CRYZ: variants seen among roughly 807,000 people sequenced by gnomAD.
CRYZ encodes the protein crystallin zeta, also known as zeta-crystallin.
In CRYZ, 35 loss-of-function variants were observed where a neutral mutation model predicts 34.1. The ratio of observed to expected loss-of-function variants is 1.03; its 90% CI spans 0.78 to 1.36. The LOEUF is 1.36. Ranked by LOEUF, CRYZ falls within the 40% of genes most tolerant of loss-of-function variation. The probability of loss-of-function intolerance (pLI) is 0.00; values close to 1 mark genes in which losing one functional copy is unlikely to be tolerated. For synonymous variants in CRYZ, 137 were observed against 136.5 expected, an observed-to-expected ratio of 1.00 and a Z score of -0.03; for missense variants, 403 against 391.8, an observed-to-expected ratio of 1.03 and a Z score of -0.24.
intron 4 of CRYZ, among the ~76,000 whole-genome samples, chr1:74,718,911 T>G (rs1047486929): frequency 2.0e-5 from 3 of 152,162 alleles, no homozygotes; most frequent in Admixed American, 6.6e-5. Context: ...TCTGAGTCTA[T>G]ATATCCCTAT....
At chr1:74,721,072 G>C (rs1026817281) in intron 3 of CRYZ, among the ~76,000 whole-genome samples, 1 of 152,084 alleles carries the variant, frequency 6.6e-6, no homozygotes, top group Non-Finnish European at 1.5e-5. Flanking sequence ...GAGTCATTAC[G>C]GGTGAAGGAA....
chr1:74,710,308 A>T, intron 5 of CRYZ, 61 bp from the exon 6 acceptor site: 2 of 1,476,886 alleles, frequency 1.4e-6, no homozygotes, highest in Non-Finnish European at 1.8e-6. Flanking sequence ...ACACTTAAAT[A>T]CATACAATGA....
At position 74,720,394 on chromosome 1, in the gene CRYZ, TA is replaced by T. The variant is rs1448643871; in HGVS notation, c.265-1023del. On this transcript the variant is annotated intron_variant, in intron 3 of 8. Coordinates refer to ENST00000340866, the MANE Select transcript of CRYZ (RefSeq NM_001889.4). ...ACAAATGTCTGCTGGACCTCACTAT[TA>T]AAAAGTAGATGCAGGACTCAGGGTG... is the stretch of plus-strand genomic sequence containing the variant. 3.9e-5 allele frequency among the ~76,000 whole-genome samples: 6 copies of T among 152,216 alleles called. No individual in the cohort carries two copies. The East Asian group carries it at 1.2e-3, about 29-fold the overall frequency.
At chr1:74,715,066 T>A (rs1419950817) in intron 4 of CRYZ, among the ~76,000 whole-genome samples, 3 of 152,152 alleles carry the variant, frequency 2.0e-5, no homozygotes, top group African/African-American at 7.2e-5. Context: ...GTAAACACAG[T>A]AGCTATTTTT....
intron 1 of CRYZ, chr1:74,730,501 C>T (rs1368068079): frequency 6.6e-6 from 1 of 152,132 alleles, no homozygotes; most frequent in African/African-American, 2.4e-5. Flanking sequence ...TCCTGTAATA[C>T]CGGATTTCTT....
At position 74,714,617 on chromosome 1, in the gene CRYZ, CT is replaced by C. The variant is rs1647046969; in HGVS notation, c.441del (p.Ala148LeufsTer16). On this transcript the variant is annotated frameshift_variant, in exon 5 of 9. Transcript: ENST00000340866. LOFTEE classifies it high-confidence loss of function. ...YRALIHSACV[K>X]AGESVLVHGA... is the part of the protein sequence containing the mutation. ...CCATGAACCAGAACACTCTCTCCAG[CT>C]TTCACACAGGCACTGCAAAGGAAAG... 1.9e-6 allele frequency: 3 copies of C among 1,613,732 alleles called. No individual in the cohort carries two copies. In the East Asian group the frequency reaches 6.7e-5, roughly 36 times the overall value.
intron 6 of CRYZ, 31 bp from the exon 7 acceptor site, chr1:74,707,235 A>T (rs1320110965): frequency 1.6e-6 from 2 of 1,239,284 alleles, no homozygotes; most frequent in East Asian, 4.7e-5. Flanking sequence ...GTAGAGTAAG[A>T]TAGCAAGTGA....
intron 4 of CRYZ, among the ~76,000 whole-genome samples, chr1:74,718,205 C>T (rs1352649548): frequency 6.6e-6 from 1 of 152,062 alleles, no homozygotes; most frequent in Non-Finnish European, 1.5e-5. Context: ...ATTTTACCCC[C>T]ACTAAATAGT....
intron 5 of CRYZ, 122 bp from the exon 6 acceptor site, chr1:74,710,369 A>C: frequency 1.2e-6 from 1 of 816,416 alleles, no homozygotes; most frequent in South Asian, 2.6e-5. Context: ...TTAAGAGTGT[A>C]AATGAAGAAA....
At chr1:74,720,782 G>C (rs72675394) in intron 3 of CRYZ, among the ~76,000 whole-genome samples, 2,591 of 152,080 alleles carry the variant, frequency 0.017, 36 homozygotes, top group South Asian at 0.036. Flanking sequence ...AACATTTACT[G>C]CGAATATACT....
Position 74,705,567 on chromosome 1 carries a change from GCTTA to G in CRYZ, c.*725_*728del, listed in dbSNP as rs1646917169. On this transcript the variant is annotated 3_prime_UTR_variant, in exon 9 of 9. Transcript: ENST00000340866. ...AATTCTTAATTTATCAAATTTGTGA[GCTTA>G]ATTAACAAAAATATTTGACCCTCAC... 6.6e-6 allele frequency: 1 copy of G among 152,010 alleles called. No homozygotes were observed. The highest frequency in any genetic ancestry group is 2.1e-4 in the South Asian group (1 of 4,826). 9.4% of individuals were successfully genotyped at this position (152,010 alleles called of 1,614,324 possible). A position where few individuals can be genotyped will look rare whatever the true frequency, so the allele number is the denominator to read the frequency against.
At chr1:74,727,644 CAAA>C (rs1169467605) in intron 1 of CRYZ, among the ~76,000 whole-genome samples, 4 of 48,692 alleles carry the variant, frequency 8.2e-5, no homozygotes, top group East Asian at 5.3e-4. Context: ...GACTCTGTCT[CAAA>C]AAAAAAAAAA....
chr1:74,713,100 A>G (rs1647026294), intron 5 of CRYZ, among the ~76,000 whole-genome samples: 1 of 152,146 alleles, frequency 6.6e-6, no homozygotes, highest in South Asian at 2.1e-4. Context: ...CTGATAGGAC[A>G]GGGAGGATCA....
In CRYZ at chr1:74,719,377, G is replaced by C. The variant is rs973305542; in HGVS notation, c.265-5C>G. On this transcript the variant is annotated splice_region_variant and splice_polypyrimidine_tract_variant and intron_variant, in intron 3 of 8. Transcript: ENST00000340866. The stretch of plus-strand genomic sequence containing the variant: ...AGTGAAAACTCTGTCACCTTTCTAG[G>C]GGAAGAGATAAATGAATAAATGCAG... 8 of 1,603,514 alleles carry C rather than the reference G, an allele frequency of 5.0e-6. No individual in the cohort carries two copies. Among genetic ancestry groups the C allele is most frequent in the Non-Finnish European group, 6.8e-6 (8 of 1,172,352 alleles).
intron 3 of CRYZ, among the ~76,000 whole-genome samples, chr1:74,721,505 A>C (rs1647163175): frequency 6.6e-6 from 1 of 152,336 alleles, no homozygotes; most frequent in Admixed American, 6.5e-5. Context: ...GTGTAAAACA[A>C]TCAGAATTAA....
At chr1:74,727,999 T>G (rs980762108) in intron 1 of CRYZ, among the ~76,000 whole-genome samples, 1 of 152,232 alleles carries the variant, frequency 6.6e-6, no homozygotes, top group South Asian at 2.1e-4. Context: ...TTAAACAATA[T>G]GTGTTATTGT....
intron 2 of CRYZ, 59 bp from the exon 3 acceptor site, chr1:74,723,329 G>T: frequency 1.3e-6 from 2 of 1,533,732 alleles, no homozygotes; most frequent in Non-Finnish European, 1.8e-6. Flanking sequence ...TTAACTTTAT[G>T]CTAGGACTGT....
intron 2 of CRYZ, among the ~76,000 whole-genome samples, 200 bp downstream of exon 2, chr1:74,724,511 G>T (rs1463819841): frequency 1.3e-5 from 2 of 152,046 alleles, no homozygotes; most frequent in African/African-American, 4.8e-5. Flanking sequence ...ATAACCAGAG[G>T]TTATTCTTTT....
At chr1:74,709,733 T>G (rs906080197) in intron 6 of CRYZ, among the ~76,000 whole-genome samples, 1 of 152,242 alleles carries the variant, frequency 6.6e-6, no homozygotes, top group Non-Finnish European at 1.5e-5. Context: ...TTTACAGATA[T>G]CTCACCTTCC....
Sources: allele counts gnomAD v4.1 joint callset (sites outside exome capture counted in the v4.1 genomes callset), GRCh38; gene constraint gnomAD v4.1.1; transcripts MANE v1.5; gene names NCBI Gene and HGNC (gene_info 2026-07-23, HGNC 2026-07-21).